Variants in GPC6 observed in about 807,000 individuals in gnomAD.
The protein encoded by GPC6 is glypican 6.
Under a neutral mutation model 55.2 loss-of-function variants are expected in GPC6, and 14 were observed. The observed-to-expected ratio is 0.25, with a 90% confidence interval of 0.17 to 0.40. GPC6 has a LOEUF of 0.40. Among genes scored for constraint, GPC6 ranks in the 10% least tolerant of loss-of-function variants. The pLI is 1.00. For synonymous variants in GPC6, 278 were observed against 259.6 expected (o/e 1.07, Z -0.68); for missense variants, 641 against 708.5 (o/e 0.90, Z 1.08).
At position 94,129,170 on chromosome 13, in the gene GPC6, G is replaced by A. The variant is rs563004259; in HGVS notation, c.877+101276G>A. ...ACATGCTGTAGTTACTCAGTATTTA[G>A]AACAAACAATATAAATTGAAATAAT... On this transcript the variant is annotated intron_variant, in intron 4 of 8. Coordinates refer to ENST00000377047, the MANE Select transcript of GPC6 (RefSeq NM_005708.5). Among the ~76,000 whole-genome samples, 512 of 152,166 alleles carry A rather than the reference G, an allele frequency of 3.4e-3. 1 individual carries two copies. Among genetic ancestry groups the A allele is most frequent in the African/African-American group, 0.012 (499 of 41,534 alleles).
chr13:94,316,661 G>A (rs1876551419), intron 6 of GPC6, among the ~76,000 whole-genome samples: 1 of 149,320 alleles, frequency 6.7e-6, no homozygotes, highest in South Asian at 2.1e-4. Context: ...AGCTTGCAGT[G>A]AGCCGAGATC....
intron 2 of GPC6, among the ~76,000 whole-genome samples, chr13:93,807,179 TC>T (rs1886566986): frequency 6.6e-6 from 1 of 152,202 alleles, no homozygotes; most frequent in Non-Finnish European, 1.5e-5. Flanking sequence ...ATTGCTCTTC[TC>T]CCGTTTCACT....
At chr13:93,785,706 A>T (rs885191) in intron 2 of GPC6, among the ~76,000 whole-genome samples, 35,639 of 152,122 alleles carry the variant, frequency 0.23, 4,735 homozygotes, top group East Asian at 0.35. Flanking sequence ...CATGCTTGTA[A>T]TCCCAGCACT....
intron 1 of GPC6, among the ~76,000 whole-genome samples, chr13:93,462,596 A>G (rs996461): frequency 0.18 from 27,411 of 151,300 alleles, 3,003 homozygotes; most frequent in East Asian, 0.48. Context: ...CTTCTGTAAA[A>G]GTTGGAAGAA....
At chr13:93,350,970 G>C (rs1294369867) in intron 1 of GPC6, among the ~76,000 whole-genome samples, 3 of 151,988 alleles carry the variant, frequency 2.0e-5, no homozygotes, top group Non-Finnish European at 4.4e-5. Context: ...CAGGTATATA[G>C]CATATAAATG....
intron 4 of GPC6, among the ~76,000 whole-genome samples, chr13:94,043,031 G>A (rs997556218): frequency 6.6e-6 from 1 of 151,712 alleles, no homozygotes; most frequent in Admixed American, 6.6e-5. Context: ...TTCCAGGTTT[G>A]TACATTGGGA....
chr13:93,955,808 T>G lies in GPC6; in HGVS notation c.712-71921T>G, dbSNP rs922227925. Reference sequence around the variant, plus strand: ...TTACTTTAACAGAATTTAACAGATATCTCTTTAAAAAACTGCTTTAATGTT... The same window carrying G: ...TTACTTTAACAGAATTTAACAGATAGCTCTTTAAAAAACTGCTTTAATGTT... On this transcript the variant is annotated intron_variant, in intron 3 of 8. Coordinates refer to ENST00000377047, the MANE Select transcript of GPC6 (RefSeq NM_005708.5). Among the ~76,000 whole-genome samples the G allele has an allele frequency of 1.7e-4, 26 of 152,342 alleles. No individual in the cohort carries two copies. The East Asian group carries it at 1.7e-3, about 10-fold the overall frequency.
chr13:94,125,511 A>T (rs534975711), intron 4 of GPC6, among the ~76,000 whole-genome samples: 39 of 152,286 alleles, frequency 2.6e-4, no homozygotes, highest in Non-Finnish European at 4.0e-4. Context: ...TTTTAAAAAT[A>T]TAGTTATTCA....
intron 3 of GPC6, among the ~76,000 whole-genome samples, chr13:93,873,208 G>A (rs779930602): frequency 6.6e-6 from 1 of 151,642 alleles, no homozygotes; most frequent in Non-Finnish European, 1.5e-5. Flanking sequence ...ATTTGCCACA[G>A]GATTTTCTGT....
intron 1 of GPC6, among the ~76,000 whole-genome samples, chr13:93,454,496 C>T (rs941482977): frequency 6.6e-6 from 1 of 150,580 alleles, no homozygotes; most frequent in Non-Finnish European, 1.5e-5. Flanking sequence ...CAAGGCCCCA[C>T]CAGAGTAGCT....
intron 1 of GPC6, among the ~76,000 whole-genome samples, chr13:93,299,266 A>G (rs1244684561): frequency 6.6e-6 from 1 of 152,218 alleles, no homozygotes; most frequent in Non-Finnish European, 1.5e-5. Flanking sequence ...AACCATAAAG[A>G]TTCAATCAAT....
intron 4 of GPC6, among the ~76,000 whole-genome samples, chr13:94,182,133 A>G (rs1889018520): frequency 6.6e-6 from 1 of 152,236 alleles, no homozygotes; most frequent in Non-Finnish European, 1.5e-5. Flanking sequence ...GCAGGCCCTT[A>G]GGCCAAAAAT....
chr13:94,336,578 C>T (rs968519681), intron 6 of GPC6, among the ~76,000 whole-genome samples: 1 of 152,108 alleles, frequency 6.6e-6, no homozygotes, highest in African/African-American at 2.4e-5. Flanking sequence ...TAATTTGTTG[C>T]TCTTCCCAGG....
At chr13:94,014,464 A>G (rs1310657030) in intron 3 of GPC6, among the ~76,000 whole-genome samples, 4 of 152,192 alleles carry the variant, frequency 2.6e-5, no homozygotes, top group Non-Finnish European at 4.4e-5. Flanking sequence ...ATATGGCAGT[A>G]GGAATTCATT....
At chr13:93,453,902 C>T (rs1026204603) in intron 1 of GPC6, among the ~76,000 whole-genome samples, 6 of 152,164 alleles carry the variant, frequency 3.9e-5, no homozygotes, top group African/African-American at 9.6e-5. Context: ...CGGGCTGCCA[C>T]TGCTGGCTCC....
intron 1 of GPC6, among the ~76,000 whole-genome samples, chr13:93,363,125 T>TTG (rs1370637356): frequency 1.4e-5 from 2 of 146,776 alleles, no homozygotes; most frequent in Middle Eastern, 3.5e-3. Flanking sequence ...TTGTTTTTTT[T>TTG]TTTGTTTTTT....
Position 94,099,702 on chromosome 13 carries a change from A to T in GPC6, c.877+71808A>T, listed in dbSNP as rs571609312. The stretch of plus-strand genomic sequence containing the variant: ...TATTGGAAGGCTGATGGAAGATAGG[A>T]GTACACTGAGGATCTTGGGACCGGG... On this transcript the variant is annotated intron_variant, in intron 4 of 8. Transcript: ENST00000377047. Among the ~76,000 whole-genome samples the T allele has an allele frequency of 2.6e-5, 4 of 152,294 alleles. No homozygotes were observed. The South Asian group carries it at 8.3e-4, about 32-fold the overall frequency.
At chr13:94,168,536 C>T (rs77215809) in intron 4 of GPC6, among the ~76,000 whole-genome samples, 3,208 of 152,020 alleles carry the variant, frequency 0.021, 116 homozygotes, top group African/African-American at 0.073. Context: ...TAAATCTTTT[C>T]GGGCCAGAGC....
chr13:94,285,358 C>G (rs1159450523), intron 4 of GPC6, among the ~76,000 whole-genome samples: 1 of 152,108 alleles, frequency 6.6e-6, no homozygotes, highest in Non-Finnish European at 1.5e-5. Context: ...TTGAAGGCTT[C>G]AGAACCTACA....
Sources: gnomAD v4.1 joint callset for allele counts (sites outside exome capture counted in the v4.1 genomes callset) on GRCh38, gnomAD v4.1.1 for gene constraint, MANE v1.5 for transcripts, NCBI Gene and HGNC (gene_info 2026-07-23, HGNC 2026-07-21) for gene names.